The following ZFP69 variants were observed in gnomAD, a reference collection of about 807,000 sequenced individuals.
The protein encoded by ZFP69 is ZFP69 zinc finger protein.
A neutral mutation model predicts 48.9 loss-of-function variants in ZFP69; 35 were observed. That is an observed-to-expected ratio of 0.72 (90% CI 0.55 to 0.95). ZFP69 has a LOEUF of 0.95. ZFP69 is among the 40% of genes least tolerant of loss of function. ZFP69 has a pLI of 0.00. For missense variants in ZFP69, 557 were observed against 638.4 expected (o/e 0.87, Z 1.37); for synonymous variants, 193 against 216.8 (o/e 0.89, Z 0.96).
intron 5 of ZFP69, among the ~76,000 whole-genome samples, chr1:40,492,919 A>AT (rs1049048405): frequency 6.6e-6 from 1 of 152,002 alleles, no homozygotes; most frequent in Non-Finnish European, 1.5e-5. Context: ...GAACAGGTAT[A>AT]TTTTTAAAGA....
chr1:40,489,180 G>T lies in ZFP69; in HGVS notation c.312G>T (p.Val104=). The T allele has an allele frequency of 6.2e-7, 1 of 1,614,172 alleles. No individual in the cohort carries two copies. The highest frequency in any genetic ancestry group is 8.5e-7 in the Non-Finnish European group (1 of 1,180,042). Reference sequence around the variant, plus strand: ...CTCACCAGAATCTATACCGAGAGGTGATGCTGGAGAACTACAGCAACTTGG... The same window carrying T: ...CTCACCAGAATCTATACCGAGAGGTTATGCTGGAGAACTACAGCAACTTGG... The part of the protein sequence containing the change: ...APAHQNLYRE[V]MLENYSNLVS... The change falls in exon 4 of 6, where the codon GTG becomes GTT. Residue 104 remains valine (V), a synonymous_variant. Coordinates refer to ENST00000372706, the MANE Select transcript of ZFP69 (RefSeq NM_001320179.2).
At chr1:40,489,871 T>TTC (rs1645547126) in intron 5 of ZFP69, among the ~76,000 whole-genome samples, 1 of 95,156 alleles carries the variant, frequency 1.1e-5, no homozygotes, top group African/African-American at 3.6e-5. Flanking sequence ...TTTTTCTTTT[T>TTC]TTTTTTTTTT....
intron 3 of ZFP69, among the ~76,000 whole-genome samples, chr1:40,484,680 A>T (rs1361539661): frequency 6.6e-6 from 1 of 150,942 alleles, no homozygotes; most frequent in Non-Finnish European, 1.5e-5. Context: ...TCCTGGGTTC[A>T]AGCAATTCTG....
chr1:40,484,386 A>T (rs924544833), intron 3 of ZFP69, among the ~76,000 whole-genome samples: 3 of 151,476 alleles, frequency 2.0e-5, no homozygotes, highest in African/African-American at 7.3e-5. Flanking sequence ...TTTAGTAGAG[A>T]TGGGGTTTCA....
In ZFP69 at chr1:40,494,255, A is replaced by ATTTTTTTTTTT. The variant is rs1645598717; in HGVS notation, c.443-666_443-665insTTTTTTTTTTT. ...ATTAGAGCAGGACTAAAAGATTCAA[A>ATTTTTTTTTTT]ATTTTTTTTTTTTTTTTTTTTTTTT... On this transcript the variant is annotated intron_variant, in intron 5 of 5. Transcript: ENST00000372706. 2.5e-4 allele frequency among the ~76,000 whole-genome samples: 31 copies of ATTTTTTTTTTT among 123,872 alleles called. 1 individual carries two copies. Among genetic ancestry groups the ATTTTTTTTTTT allele is most frequent in the African/African-American group, 4.4e-4 (14 of 31,596 alleles). The allele number at this position is 123,872 out of a possible 152,430, so 81.3% of individuals were successfully genotyped here.
chr1:40,480,273 T>A (rs1292366824), intron 2 of ZFP69, among the ~76,000 whole-genome samples: 1 of 151,990 alleles, frequency 6.6e-6, no homozygotes, highest in African/African-American at 2.4e-5. Context: ...TGTGATTTTT[T>A]TTTTTTTTTG....
chr1:40,485,970 C>A (rs953513350), intron 3 of ZFP69, among the ~76,000 whole-genome samples: 4 of 152,202 alleles, frequency 2.6e-5, no homozygotes, highest in Admixed American at 6.5e-5. Context: ...GTGGCATGAT[C>A]TTGGCCCACT....
chr1:40,482,931 A>G (rs1645456734), intron 3 of ZFP69, among the ~76,000 whole-genome samples: 1 of 152,228 alleles, frequency 6.6e-6, no homozygotes, highest in Non-Finnish European at 1.5e-5. Context: ...CCAGTAGACA[A>G]AAACTCATCA....
chr1:40,495,723 A>G lies in ZFP69; in HGVS notation c.1245A>G (p.Ala415=), dbSNP rs144562293. Residue 415 remains alanine (A), a synonymous_variant, in exon 6 of 6, where the codon GCA becomes GCG. Coordinates refer to ENST00000372706, the MANE Select transcript of ZFP69 (RefSeq NM_001320179.2). ...GGGAGAAGCCCTATGCATGCACTGC[A>G]TGTTGTAAAACCTTTAGTCATAGAG... is the stretch of plus-strand genomic sequence containing the variant. ...HTGEKPYACT[A]CCKTFSHRAY... 2,760 of 1,614,132 alleles carry G rather than the reference A, an allele frequency of 1.7e-3. 2 individuals carry two copies. Among genetic ancestry groups the G allele is most frequent in the Non-Finnish European group, 2.1e-3 (2,515 of 1,180,048 alleles).
intron 2 of ZFP69, among the ~76,000 whole-genome samples, 156 bp downstream of exon 2, chr1:40,479,644 T>C (rs1167924959): frequency 6.6e-6 from 1 of 152,200 alleles, no homozygotes; most frequent in Non-Finnish European, 1.5e-5. Context: ...AGGGAAAATC[T>C]TGGGGTCCAG....
chr1:40,494,356 C>T (rs1645602132), intron 5 of ZFP69, among the ~76,000 whole-genome samples: 1 of 141,276 alleles, frequency 7.1e-6, no homozygotes. Context: ...GCAAGCTCCG[C>T]CTCCCGGGTT....
At chr1:40,494,765 CTG>C (rs1420858512) in intron 5 of ZFP69, among the ~76,000 whole-genome samples, 154 bp from the exon 6 acceptor site, 1 of 148,652 alleles carries the variant, frequency 6.7e-6, no homozygotes, top group Non-Finnish European at 1.5e-5. Flanking sequence ...AACCTGTTCA[CTG>C]TTTCTTAATT....
In ZFP69 at chr1:40,481,788, C is replaced by T. The variant is rs763416046; in HGVS notation, c.153C>T (p.Asp51=). Residue 51 remains aspartate, a synonymous_variant, in exon 3 of 6, where the codon GAC becomes GAT. Coordinates refer to ENST00000372706, the MANE Select transcript of ZFP69 (RefSeq NM_001320179.2). ...CTCTGCTGTCTCAGGATGCTGAGGA[C>T]GTAAAGACCCAGAGAGAAAGTTTAG... ...GEALLSQDAE[D]VKTQRESLED... is the part of the protein sequence containing the mutation. 25 of 1,612,088 alleles carry T rather than the reference C, an allele frequency of 1.6e-5. No individual in the cohort carries two copies. The highest frequency in any genetic ancestry group is 2.2e-5 in the East Asian group (1 of 44,868).
Position 40,479,233 on chromosome 1 carries a change from A to G in ZFP69, c.-129A>G. The G allele has an allele frequency of 1.6e-6, 2 of 1,226,254 alleles. No individual in the cohort carries two copies. Among genetic ancestry groups the G allele is most frequent in the Non-Finnish European group, 2.4e-6 (2 of 850,768 alleles). 76.0% of individuals were successfully genotyped at this position (1,226,254 alleles called of 1,614,324 possible). A position where few individuals can be genotyped will look rare whatever the true frequency, so the allele number is the denominator to read the frequency against. On this transcript the variant is annotated 5_prime_UTR_variant, in exon 2 of 6. Coordinates refer to ENST00000372706, the MANE Select transcript of ZFP69 (RefSeq NM_001320179.2). ...AGGAACCCCCAGGTCCTGGTGCTGCAGGGACACACCAGAGTCCTGAGGGCA... is the reference window on the plus strand; with the variant it reads ...AGGAACCCCCAGGTCCTGGTGCTGCGGGGACACACCAGAGTCCTGAGGGCA...
chr1:40,486,439 CTT>C (rs1645499051), intron 3 of ZFP69, among the ~76,000 whole-genome samples: 1 of 139,832 alleles, frequency 7.2e-6, no homozygotes, highest in Admixed American at 7.2e-5. Flanking sequence ...CCTTCCTTCC[CTT>C]CCTCCCTCCC....
At chr1:40,491,636 C>T (rs1306749625) in intron 5 of ZFP69, among the ~76,000 whole-genome samples, 1 of 152,126 alleles carries the variant, frequency 6.6e-6, no homozygotes, top group African/African-American at 2.4e-5. Context: ...CATTGACCAT[C>T]CATCCATCTC....
In ZFP69 at chr1:40,496,151, G is replaced by A; in HGVS notation, c.*92G>A. 7.6e-7 allele frequency: 1 copy of A among 1,314,442 alleles called. No individual in the cohort carries two copies. The highest frequency in any genetic ancestry group is 1.0e-6 in the Non-Finnish European group (1 of 968,158). 81.4% of individuals were successfully genotyped at this position (1,314,442 alleles called of 1,614,324 possible). On this transcript the variant is annotated 3_prime_UTR_variant, in exon 6 of 6. Coordinates refer to ENST00000372706, the MANE Select transcript of ZFP69 (RefSeq NM_001320179.2). Reference sequence around the variant, plus strand: ...CAGGACTCAGATATGAGGAATTGATGTAATGATGCCAACTTTTAATTTTTC... The same window carrying A: ...CAGGACTCAGATATGAGGAATTGATATAATGATGCCAACTTTTAATTTTTC...
At chr1:40,489,866 CTTTTTT>C (rs374820239) in intron 5 of ZFP69, among the ~76,000 whole-genome samples, 1 of 115,428 alleles carries the variant, frequency 8.7e-6, no homozygotes, top group African/African-American at 3.4e-5. Context: ...TTTTCTTTTT[CTTTTTT>C]TTTTTTTTTT....
intron 3 of ZFP69, among the ~76,000 whole-genome samples, chr1:40,486,441 T>TCCTCCCTCCCTCCATCCCTC (rs1306001356): frequency 1.0e-5 from 1 of 97,184 alleles, no homozygotes; most frequent in African/African-American, 4.1e-5. Flanking sequence ...TTCCTTCCCT[T>TCCTCCCTCCCTCCATCCCTC]CCTCCCTCCC....
Sources: gnomAD v4.1 joint callset for allele counts (sites outside exome capture counted in the v4.1 genomes callset) on GRCh38, gnomAD v4.1.1 for gene constraint, MANE v1.5 for transcripts, NCBI Gene and HGNC (gene_info 2026-07-23, HGNC 2026-07-21) for gene names.